The following MAMDC2 variants were observed in gnomAD, a reference collection of about 807,000 sequenced individuals.
MAMDC2 encodes the protein MAM domain containing 2.
A neutral mutation model predicts 89.8 loss-of-function variants in MAMDC2; 57 were observed. The ratio of observed to expected loss-of-function variants is 0.63; its 90% confidence interval spans 0.51 to 0.79. MAMDC2 has a LOEUF of 0.79. Among genes scored for constraint, MAMDC2 ranks in the 30% least tolerant of loss-of-function variants. The pLI is 0.00. For missense variants in MAMDC2, 800 were observed against 820.6 expected (o/e 0.97, Z 0.31); for synonymous variants, 313 against 293.4 (o/e 1.07, Z -0.68).
At chr9:70,220,779 A>G (rs912236837) in intron 12 of MAMDC2, among the ~76,000 whole-genome samples, 13 of 152,198 alleles carry the variant, frequency 8.5e-5, no homozygotes, top group African/African-American at 3.1e-4. Flanking sequence ...TGAAGGTCAC[A>G]AGCACTGCAT....
chr9:70,124,962 C>T (rs1216091956), intron 5 of MAMDC2, among the ~76,000 whole-genome samples: 1 of 152,234 alleles, frequency 6.6e-6, no homozygotes, highest in Non-Finnish European at 1.5e-5. Context: ...GCTCCCGCCT[C>T]AGCCTCCCAA....
intron 11 of MAMDC2, among the ~76,000 whole-genome samples, chr9:70,187,066 C>G (rs2118592362): frequency 6.6e-6 from 1 of 152,138 alleles, no homozygotes; most frequent in Middle Eastern, 3.4e-3. Flanking sequence ...TGTGTGTAGT[C>G]TTCTTTGTAG....
At chr9:70,083,859 T>C (rs1827710351) in intron 2 of MAMDC2, 4 of 152,082 alleles carry the variant, frequency 2.6e-5, no homozygotes, top group African/African-American at 9.7e-5. Context: ...CCAGACACAA[T>C]TAAATGTGAG....
intron 2 of MAMDC2, among the ~76,000 whole-genome samples, chr9:70,045,901 A>G (rs1826737808): frequency 6.6e-6 from 1 of 152,216 alleles, no homozygotes; most frequent in South Asian, 2.1e-4. Flanking sequence ...AACAATTGCC[A>G]AGTCTTGACT....
At chr9:70,171,769 T>C (rs184076747) in intron 11 of MAMDC2, among the ~76,000 whole-genome samples, 1 of 152,266 alleles carries the variant, frequency 6.6e-6, no homozygotes, top group East Asian at 1.9e-4. Flanking sequence ...CTGGGCCACA[T>C]TGGAAGAAGA....
In MAMDC2 at chr9:70,140,300, A is replaced by G. The variant is rs896322402; in HGVS notation, c.1138+12A>G. ...CACTACAGGCTTAGGTAAATCAGAG[A>G]TCTGTCTATGTGGGGACATCTTGGG... On this transcript the variant is annotated intron_variant, in intron 8 of 13. Coordinates refer to ENST00000377182, the MANE Select transcript of MAMDC2 (RefSeq NM_153267.5). The G allele has an allele frequency of 3.8e-6, 6 of 1,588,568 alleles. No individual in the cohort carries two copies. In the African/African-American group the frequency reaches 8.2e-5, roughly 22 times the overall value.
At chr9:70,172,518 C>A (rs887245591) in intron 11 of MAMDC2, 3 of 152,684 alleles carry the variant, frequency 2.0e-5, no homozygotes, top group Non-Finnish European at 4.4e-5. Flanking sequence ...CCTCTGAGAC[C>A]ACCCGCTTCC....
At chr9:70,130,771 T>TA (rs1349126232) in intron 6 of MAMDC2, among the ~76,000 whole-genome samples, 7 of 146,682 alleles carry the variant, frequency 4.8e-5, no homozygotes, top group South Asian at 4.6e-4. Flanking sequence ...GGCAGGGAGG[T>TA]AAAAAAACAA....
At chr9:70,081,883 C>T (rs1422257294) in intron 2 of MAMDC2, 3 of 152,110 alleles carry the variant, frequency 2.0e-5, no homozygotes, top group South Asian at 2.1e-4. Context: ...CCATTACTTC[C>T]TCCTGGGAAT....
chr9:70,205,364 T>G (rs1219361852), intron 11 of MAMDC2, among the ~76,000 whole-genome samples: 1 of 152,200 alleles, frequency 6.6e-6, no homozygotes, highest in Non-Finnish European at 1.5e-5. Context: ...CTTAAAAGTA[T>G]AGTAAAGAGA....
intron 11 of MAMDC2, among the ~76,000 whole-genome samples, chr9:70,212,700 G>A (rs1026681489): frequency 5.3e-5 from 8 of 152,112 alleles, no homozygotes; most frequent in African/African-American, 7.2e-5. Context: ...CGTCTTCTGC[G>A]TCACTCATGC....
intron 8 of MAMDC2, among the ~76,000 whole-genome samples, chr9:70,141,767 C>CTTAAG (rs1225617280): frequency 6.6e-6 from 1 of 152,028 alleles, no homozygotes; most frequent in Non-Finnish European, 1.5e-5. Flanking sequence ...GGTCAGGGGG[C>CTTAAG]TTAAGTTTCC....
intron 11 of MAMDC2, among the ~76,000 whole-genome samples, chr9:70,210,666 T>C (rs1053811453): frequency 6.6e-6 from 1 of 152,236 alleles, no homozygotes; most frequent in East Asian, 1.9e-4. Context: ...GTGAATTTGA[T>C]CCTGTCATGA....
At chr9:70,091,573 T>C (rs1370290396) in intron 2 of MAMDC2, among the ~76,000 whole-genome samples, 1 of 152,214 alleles carries the variant, frequency 6.6e-6, no homozygotes, top group East Asian at 1.9e-4. Context: ...TTGGAACATA[T>C]TTACGAATTT....
chr9:70,112,087 T>C (rs983143786), intron 4 of MAMDC2, among the ~76,000 whole-genome samples: 6 of 152,174 alleles, frequency 3.9e-5, no homozygotes, highest in Admixed American at 1.3e-4. Flanking sequence ...GGTAGCCCAT[T>C]GATACAGTCC....
intron 11 of MAMDC2, among the ~76,000 whole-genome samples, chr9:70,176,881 T>G (rs921989109): frequency 6.6e-6 from 1 of 152,200 alleles, no homozygotes; most frequent in Non-Finnish European, 1.5e-5. Flanking sequence ...TTCCCCCTTA[T>G]CTGCAGGGCA....
chr9:70,085,479 C>A (rs1159215442), intron 2 of MAMDC2, among the ~76,000 whole-genome samples: 1 of 152,100 alleles, frequency 6.6e-6, no homozygotes, highest in African/African-American at 2.4e-5. Flanking sequence ...TCTGGTAAAA[C>A]TGAATCTTTT....
chr9:70,178,374 C>A (rs1587547179), intron 11 of MAMDC2, among the ~76,000 whole-genome samples: 1 of 132,114 alleles, frequency 7.6e-6, no homozygotes, highest in Non-Finnish European at 1.7e-5. Context: ...TAACAAGGAA[C>A]CTACTCCCAT....
intron 11 of MAMDC2, among the ~76,000 whole-genome samples, chr9:70,210,156 T>G (rs1261479359): frequency 6.6e-6 from 1 of 152,196 alleles, no homozygotes; most frequent in East Asian, 1.9e-4. Context: ...TAGGTCTGCT[T>G]GGTGCAGAGA....
Sources: gnomAD v4.1 joint callset for allele counts (sites outside exome capture counted in the v4.1 genomes callset) on GRCh38, gnomAD v4.1.1 for gene constraint, MANE v1.5 for transcripts, NCBI Gene and HGNC (gene_info 2026-07-23, HGNC 2026-07-21) for gene names.